SLC9A9: variants seen among roughly 807,000 people sequenced by gnomAD.
The protein encoded by SLC9A9 is solute carrier family 9 member A9, also known as sodium/hydrogen exchanger 9.
Under a neutral mutation model 77.8 loss-of-function variants are expected in SLC9A9, and 62 were observed. The observed-to-expected ratio is 0.80, with a 90% CI of 0.65 to 0.98. The LOEUF (loss-of-function observed/expected upper bound fraction) is 0.98, where lower values mean the gene tolerates loss of function less well. Ranked by LOEUF, SLC9A9 falls within the 50% of genes least tolerant of loss-of-function variation. SLC9A9 has a pLI of 0.00. For missense variants in SLC9A9, 775 were observed against 774.9 expected (o/e 1.00, Z 0.00); for synonymous variants, 320 against 283.5 (o/e 1.13, Z -1.29).
chr3:143,767,192 A>C (rs575678366), intron 4 of SLC9A9, among the ~76,000 whole-genome samples: 3 of 152,282 alleles, frequency 2.0e-5, no homozygotes, highest in Middle Eastern at 6.8e-3. Context: ...GGACTAGAGT[A>C]ACATGTCCAA....
chr3:143,723,296 G>A (rs561539285), intron 4 of SLC9A9, among the ~76,000 whole-genome samples: 2 of 152,162 alleles, frequency 1.3e-5, no homozygotes, highest in African/African-American at 2.4e-5. Flanking sequence ...TTTCTGAAAA[G>A]CAAGGTCAAG....
chr3:143,780,530 A>T (rs542634131), intron 4 of SLC9A9, among the ~76,000 whole-genome samples: 1 of 152,348 alleles, frequency 6.6e-6, no homozygotes, highest in African/African-American at 2.4e-5. Flanking sequence ...CCAAAAGAGG[A>T]AAAACAAACC....
intron 3 of SLC9A9, 151 bp downstream of exon 3, chr3:143,796,675 C>A: frequency 1.7e-6 from 1 of 576,672 alleles, no homozygotes; most frequent in Non-Finnish European, 3.1e-6. Context: ...GTCTAGAATT[C>A]TAAGCATGTC....
intron 1 of SLC9A9, among the ~76,000 whole-genome samples, chr3:143,843,719 T>A (rs1323089044): frequency 6.6e-6 from 1 of 152,140 alleles, no homozygotes; most frequent in Non-Finnish European, 1.5e-5. Context: ...CAGCCCCCAG[T>A]GATATATAAT....
chr3:143,271,274 A>T (rs1019838454), intron 14 of SLC9A9, among the ~76,000 whole-genome samples: 4 of 152,200 alleles, frequency 2.6e-5, no homozygotes, highest in African/African-American at 9.7e-5. Context: ...GAGTATGAGG[A>T]CTAAACTGAA....
At chr3:143,504,471 C>A (rs907563581) in intron 9 of SLC9A9, among the ~76,000 whole-genome samples, 7 of 151,086 alleles carry the variant, frequency 4.6e-5, no homozygotes, top group African/African-American at 1.7e-4. Flanking sequence ...CCTTTACCAC[C>A]AGAACATAAG....
At chr3:143,410,237 T>C (rs2034066929) in intron 12 of SLC9A9, among the ~76,000 whole-genome samples, 1 of 152,200 alleles carries the variant, frequency 6.6e-6, no homozygotes, top group Non-Finnish European at 1.5e-5. Context: ...GCTTATTTGT[T>C]GCCTTGAGAT....
chr3:143,848,305 C>A lies in SLC9A9; in HGVS notation c.18G>T (p.Arg6Ser). 1 of 1,613,922 alleles carries A rather than the reference C, an allele frequency of 6.2e-7. No homozygotes were observed. The highest frequency in any genetic ancestry group is 8.5e-7 in the Non-Finnish European group (1 of 1,179,870). The change falls in exon 1 of 16, where the codon AGG becomes AGT. Residue 6 changes from arginine (R) to serine (S), a missense_variant. Transcript: ENST00000316549. ...GATACTCATCCTTTTCTGACATAAC[C>A]CTTGACTGTCTCTCCATTCCCCAGT... MERQSRVMSEKDEYQF... is the reference protein window; with the variant it reads MERQSSVMSEKDEYQF...
intron 10 of SLC9A9, 62 bp downstream of exon 10, chr3:143,495,273 C>T (rs1044943050): frequency 2.7e-5 from 37 of 1,373,046 alleles, no homozygotes; most frequent in South Asian, 1.8e-4. Flanking sequence ...CAGAATAATT[C>T]GTAAAAGTAA....
chr3:143,560,136 G>A (rs2037055567), intron 8 of SLC9A9, among the ~76,000 whole-genome samples: 1 of 152,202 alleles, frequency 6.6e-6, no homozygotes, highest in African/African-American at 2.4e-5. Context: ...GTACATCTGA[G>A]CACCAAATCA....
intron 2 of SLC9A9, among the ~76,000 whole-genome samples, chr3:143,799,691 G>T (rs201926290): frequency 6.6e-6 from 1 of 152,176 alleles, no homozygotes; most frequent in Non-Finnish European, 1.5e-5. Flanking sequence ...TCCCAGAGCC[G>T]CTGGAACTCT....
At chr3:143,446,265 G>A (rs2034839512) in intron 12 of SLC9A9, among the ~76,000 whole-genome samples, 1 of 152,024 alleles carries the variant, frequency 6.6e-6, no homozygotes. Flanking sequence ...TTTGTCGGTT[G>A]TAATATGGTG....
intron 8 of SLC9A9, among the ~76,000 whole-genome samples, chr3:143,571,717 T>C (rs1400948153): frequency 6.6e-6 from 1 of 152,210 alleles, no homozygotes; most frequent in African/African-American, 2.4e-5. Flanking sequence ...GCTATATTTA[T>C]TGCCAAACCA....
chr3:143,384,450 G>GT (rs2033374490), intron 12 of SLC9A9, among the ~76,000 whole-genome samples: 1 of 152,200 alleles, frequency 6.6e-6, no homozygotes, highest in Non-Finnish European at 1.5e-5. Flanking sequence ...TCCCACCACT[G>GT]TATCTGCTTA....
intron 14 of SLC9A9, among the ~76,000 whole-genome samples, chr3:143,320,180 G>A (rs921408327): frequency 3.3e-5 from 5 of 152,208 alleles, no homozygotes; most frequent in African/African-American, 1.2e-4. Flanking sequence ...GGTTCCACGA[G>A]GGCAGGCCCT....
At chr3:143,303,182 A>G (rs2030611722) in intron 14 of SLC9A9, among the ~76,000 whole-genome samples, 1 of 152,212 alleles carries the variant, frequency 6.6e-6, no homozygotes, top group South Asian at 2.1e-4. Context: ...GCCCACCTGG[A>G]TCATGGGCAG....
intron 14 of SLC9A9, among the ~76,000 whole-genome samples, chr3:143,357,565 A>G (rs1400479091): frequency 6.6e-6 from 1 of 152,062 alleles, no homozygotes; most frequent in Non-Finnish European, 1.5e-5. Context: ...CACTAGAAAC[A>G]CTTATGAAAA....
intron 12 of SLC9A9, among the ~76,000 whole-genome samples, chr3:143,404,654 A>G (rs1156372246): frequency 1.3e-5 from 2 of 151,840 alleles, no homozygotes; most frequent in East Asian, 3.9e-4. Flanking sequence ...CTTTCCATGT[A>G]TATGTATTTT....
At chr3:143,696,177 T>C (rs1158138194) in intron 4 of SLC9A9, among the ~76,000 whole-genome samples, 2 of 152,214 alleles carry the variant, frequency 1.3e-5, no homozygotes, top group African/African-American at 4.8e-5. Context: ...ATTTTGGCTT[T>C]TGTTGCCATT....
Sources: allele counts gnomAD v4.1 joint callset (sites outside exome capture counted in the v4.1 genomes callset), GRCh38; gene constraint gnomAD v4.1.1; transcripts MANE v1.5; gene names NCBI Gene and HGNC (gene_info 2026-07-23, HGNC 2026-07-21).